Variants in UBASH3B observed in about 807,000 individuals in gnomAD.
UBASH3B encodes ubiquitin associated and SH3 domain containing B.
Under a neutral mutation model 83.4 loss-of-function variants are expected in UBASH3B, and 37 were observed. The observed-to-expected ratio is 0.44, with a 90% CI of 0.34 to 0.58. The LOEUF (loss-of-function observed/expected upper bound fraction) is 0.58. Ranked by LOEUF, UBASH3B falls within the 20% of genes least tolerant of loss-of-function variation. UBASH3B has a pLI of 0.01. For missense variants in UBASH3B, 657 were observed against 827.2 expected (o/e 0.79, Z 2.52); for synonymous variants, 304 against 318.3 (o/e 0.96, Z 0.48).
chr11:122,683,471 C>T (rs185314531), intron 1 of UBASH3B, among the ~76,000 whole-genome samples: 50 of 151,284 alleles, frequency 3.3e-4, no homozygotes, highest in East Asian at 2.7e-3. Context: ...AAAAATTAGC[C>T]GGGCGTGGTG....
At chr11:122,804,386 T>G (rs1861303884) in intron 11 of UBASH3B, among the ~76,000 whole-genome samples, 1 of 152,144 alleles carries the variant, frequency 6.6e-6, no homozygotes, top group Non-Finnish European at 1.5e-5. Flanking sequence ...TGGGCAAGTT[T>G]CCTTCAAGTG....
At chr11:122,725,964 T>C (rs1374371198) in intron 1 of UBASH3B, among the ~76,000 whole-genome samples, 2 of 152,158 alleles carry the variant, frequency 1.3e-5, no homozygotes, top group African/African-American at 2.4e-5. Context: ...AGTGCTGAGA[T>C]TACAGGCGTG....
In UBASH3B at chr11:122,796,972, C is replaced by G; in HGVS notation, c.1296C>G (p.Phe432Leu). 6.2e-7 allele frequency: 1 copy of G among 1,614,040 alleles called. No individual in the cohort carries two copies. The highest frequency in any genetic ancestry group is 8.5e-7 in the Non-Finnish European group (1 of 1,179,998). The change falls in exon 9 of 14, where the codon TTC (phenylalanine) becomes TTG (leucine). Residue 432 changes from phenylalanine (F) to leucine (L), a missense_variant. Transcript: ENST00000284273. ...GTTTACCTCAGCGGAGTGGTGGTTT[C>G]CGAGATTACGAGAAAGATGCTCCCA... ...PHSLPQRSGG[F>L]RDYEKDAPIT...
chr11:122,680,830 A>G (rs1863729088), intron 1 of UBASH3B, among the ~76,000 whole-genome samples: 1 of 152,202 alleles, frequency 6.6e-6, no homozygotes, highest in African/African-American at 2.4e-5. Flanking sequence ...TTTCTCCTCT[A>G]CAACAGAGCA....
chr11:122,807,482 G>A (rs1456825235), intron 12 of UBASH3B, among the ~76,000 whole-genome samples: 1 of 152,154 alleles, frequency 6.6e-6, no homozygotes, highest in African/African-American at 2.4e-5. Flanking sequence ...GGAGGGGGAT[G>A]GGATGAAGGG....
intron 1 of UBASH3B, among the ~76,000 whole-genome samples, chr11:122,739,234 C>T (rs1241271348): frequency 6.6e-6 from 1 of 152,106 alleles, no homozygotes; most frequent in Non-Finnish European, 1.5e-5. Context: ...TTTAACTCAA[C>T]CTGTTTTAGA....
chr11:122,734,427 C>T (rs1025212789), intron 1 of UBASH3B, among the ~76,000 whole-genome samples: 3 of 152,120 alleles, frequency 2.0e-5, no homozygotes, highest in Non-Finnish European at 4.4e-5. Context: ...GCTCTGACCC[C>T]ATGTCTTTGC....
intron 1 of UBASH3B, among the ~76,000 whole-genome samples, chr11:122,664,997 C>T (rs1176482448): frequency 6.6e-6 from 1 of 152,218 alleles, no homozygotes; most frequent in Non-Finnish European, 1.5e-5. Flanking sequence ...CAAGCTCCGC[C>T]CCCCGGGTTC....
chr11:122,795,604 T>G (rs909482900), intron 7 of UBASH3B, among the ~76,000 whole-genome samples: 12 of 152,210 alleles, frequency 7.9e-5, no homozygotes, highest in Admixed American at 7.2e-4. Flanking sequence ...TGTCTCATTT[T>G]GGGGATCATA....
In UBASH3B at chr11:122,777,232, C is replaced by T. The variant is rs763423629; in HGVS notation, c.402+22C>T. On this transcript the variant is annotated intron_variant, in intron 3 of 13. Coordinates refer to ENST00000284273, the MANE Select transcript of UBASH3B (RefSeq NM_032873.5). ...TATGGTGAGCGGCAGCGCCCCCACC[C>T]CTGGGAAGCCTGGCTCCTAGGATCC... is the stretch of plus-strand genomic sequence containing the variant. 6.9e-6 allele frequency: 11 copies of T among 1,590,434 alleles called. No homozygotes were observed. The African/African-American group carries it at 1.2e-4, about 18-fold the overall frequency.
intron 1 of UBASH3B, among the ~76,000 whole-genome samples, chr11:122,749,070 T>A (rs1861163564): frequency 6.6e-6 from 1 of 152,244 alleles, no homozygotes; most frequent in Admixed American, 6.5e-5. Context: ...TGCCCCATAC[T>A]ACACATAGCA....
At chr11:122,687,551 A>G (rs1219320256) in intron 1 of UBASH3B, among the ~76,000 whole-genome samples, 1 of 152,198 alleles carries the variant, frequency 6.6e-6, no homozygotes. Flanking sequence ...AGGGACCACG[A>G]GAAAGATATT....
At chr11:122,708,741 G>C (rs1864155951) in intron 1 of UBASH3B, among the ~76,000 whole-genome samples, 1 of 152,188 alleles carries the variant, frequency 6.6e-6, no homozygotes, top group Non-Finnish European at 1.5e-5. Flanking sequence ...GTTGGCATGA[G>C]TCTTGGCTCT....
At chr11:122,748,082 C>G (rs1861147488) in intron 1 of UBASH3B, among the ~76,000 whole-genome samples, 1 of 152,200 alleles carries the variant, frequency 6.6e-6, no homozygotes. Flanking sequence ...AAAGGAGGAT[C>G]CTGCAAAAGG....
chr11:122,783,185 C>T lies in UBASH3B; in HGVS notation c.734C>T (p.Thr245Ile). 1 of 1,614,060 alleles carries T rather than the reference C, an allele frequency of 6.2e-7. No individual in the cohort carries two copies. The highest frequency in any genetic ancestry group is 8.5e-7 in the Non-Finnish European group (1 of 1,179,982). The stretch of plus-strand genomic sequence containing the variant: ...AAGCTAGGGTGTGACTGGGTGGCTA[C>T]CATATTTTCTCGGGATATCCGATTT... ...DVKLGCDWVATIFSRDIRFAN... is the reference protein window; with the variant it reads ...DVKLGCDWVAIIFSRDIRFAN... The change falls in exon 5 of 14, where the codon ACC becomes ATC. Residue 245 changes from threonine to isoleucine, a missense_variant. Transcript: ENST00000284273.
chr11:122,664,187 C>T (rs1750790933), intron 1 of UBASH3B, among the ~76,000 whole-genome samples: 1 of 152,160 alleles, frequency 6.6e-6, no homozygotes, highest in Admixed American at 6.5e-5. Flanking sequence ...CAGAGGGGTG[C>T]GGGGCCTGAG....
At chr11:122,741,314 A>T (rs1290993623) in intron 1 of UBASH3B, among the ~76,000 whole-genome samples, 1 of 152,174 alleles carries the variant, frequency 6.6e-6, no homozygotes. Context: ...CTTAAATGAG[A>T]TGTATCCCCG....
chr11:122,717,647 A>T (rs1462166707), intron 1 of UBASH3B, among the ~76,000 whole-genome samples: 1 of 152,030 alleles, frequency 6.6e-6, no homozygotes, highest in Non-Finnish European at 1.5e-5. Flanking sequence ...GAAAGTGTGT[A>T]TTTTCCACCG....
intron 1 of UBASH3B, among the ~76,000 whole-genome samples, chr11:122,700,437 C>T (rs545258363): frequency 1.4e-3 from 204 of 150,310 alleles, no homozygotes; most frequent in African/African-American, 4.8e-3. Context: ...GTTTTTTTCA[C>T]ATTTTTCAAT....
Sources: gnomAD v4.1 joint callset for allele counts (sites outside exome capture counted in the v4.1 genomes callset) on GRCh38, gnomAD v4.1.1 for gene constraint, MANE v1.5 for transcripts, NCBI Gene and HGNC (gene_info 2026-07-23, HGNC 2026-07-21) for gene names.